Variants in TENM2 observed in about 807,000 individuals in gnomAD.
The protein encoded by TENM2 is teneurin-2.
In TENM2, 52 loss-of-function variants were observed where a neutral mutation model predicts 245.2. The ratio of observed to expected loss-of-function variants is 0.21; its 90% CI spans 0.17 to 0.27. The LOEUF (loss-of-function observed/expected upper bound fraction) is 0.27, where lower values mean the gene tolerates loss of function less well. Among genes scored for constraint, TENM2 ranks in the 10% least tolerant of loss-of-function variants. TENM2 has a pLI of 1.00. For synonymous variants in TENM2, 1,363 were observed against 1,438.9 expected (o/e 0.95, Z 1.19); for missense variants, 3,046 against 3,666.8 (o/e 0.83, Z 4.37).
intron 3 of TENM2, among the ~76,000 whole-genome samples, chr5:167,896,472 C>T (rs1348070538): frequency 6.6e-6 from 1 of 152,206 alleles, no homozygotes; most frequent in African/African-American, 2.4e-5. Flanking sequence ...AGACATGTGG[C>T]TTCCAACCAT....
chr5:168,193,505 A>G (rs939054455), intron 14 of TENM2, among the ~76,000 whole-genome samples: 7 of 152,222 alleles, frequency 4.6e-5, no homozygotes, highest in Admixed American at 1.3e-4. Flanking sequence ...CTGCAAATTG[A>G]CTGCCTGGAA....
intron 2 of TENM2, among the ~76,000 whole-genome samples, chr5:167,521,303 CATT>C (rs1770740133): frequency 6.6e-6 from 1 of 152,138 alleles, no homozygotes; most frequent in African/African-American, 2.4e-5. Flanking sequence ...CAAATATTCA[CATT>C]TTTTTCCTTA....
the TENM2 span, among the ~76,000 whole-genome samples, chr5:167,082,878 TA>T: frequency 1.3e-5 from 2 of 152,130 alleles, no homozygotes; most frequent in Admixed American, 6.5e-5. Context: ...AATAATGTTT[TA>T]AAAAATAATT....
the TENM2 span, among the ~76,000 whole-genome samples, chr5:167,266,618 T>A: frequency 5.9e-5 from 9 of 152,210 alleles, no homozygotes; most frequent in Non-Finnish European, 1.0e-4. Flanking sequence ...TTGTTTTTAA[T>A]GCTTTTATGT....
intron 8 of TENM2, among the ~76,000 whole-genome samples, chr5:168,096,304 C>T (rs1313951939): frequency 6.6e-6 from 1 of 152,140 alleles, no homozygotes; most frequent in Non-Finnish European, 1.5e-5. Flanking sequence ...GCACCTAACG[C>T]TTTTTGAATG....
intron 2 of TENM2, among the ~76,000 whole-genome samples, chr5:167,441,180 T>C (rs1764860879): frequency 6.6e-6 from 1 of 152,210 alleles, no homozygotes; most frequent in African/African-American, 2.4e-5. Context: ...TAGGTATTAA[T>C]CTAATGTCTA....
intron 2 of TENM2, among the ~76,000 whole-genome samples, chr5:167,435,699 A>G (rs1444268058): frequency 6.6e-6 from 1 of 152,162 alleles, no homozygotes; most frequent in African/African-American, 2.4e-5. Context: ...GTTCAGAAGA[A>G]GATAAAAAAA....
intron 6 of TENM2, among the ~76,000 whole-genome samples, chr5:168,048,200 A>G (rs1468013271): frequency 4.6e-5 from 7 of 151,218 alleles, no homozygotes; most frequent in African/African-American, 7.3e-5. Context: ...ACAAGGTGCT[A>G]AGAAGGAGGA....
chr5:167,447,809 G>A (rs1453670613), intron 2 of TENM2, among the ~76,000 whole-genome samples: 1 of 152,180 alleles, frequency 6.6e-6, no homozygotes, highest in African/African-American at 2.4e-5. Context: ...TTAATGAATG[G>A]TGACAATGCA....
At chr5:168,166,861 T>TC (rs1324002402) in intron 13 of TENM2, among the ~76,000 whole-genome samples, 2 of 152,070 alleles carry the variant, frequency 1.3e-5, no homozygotes, top group African/African-American at 4.8e-5. Flanking sequence ...CCTTAGAATA[T>TC]CCCCACCAAA....
At chr5:167,196,775 TATG>T in the TENM2 span, among the ~76,000 whole-genome samples, 2 of 151,860 alleles carry the variant, frequency 1.3e-5, no homozygotes, top group Non-Finnish European at 2.9e-5. Flanking sequence ...TTGTATAAGG[TATG>T]ATAAGTCACT....
At chr5:167,010,239 C>T in the TENM2 span, among the ~76,000 whole-genome samples, 6 of 152,030 alleles carry the variant, frequency 3.9e-5, no homozygotes, top group Non-Finnish European at 5.9e-5. Flanking sequence ...AAAAATTAGC[C>T]GGGCATGGTG....
At chr5:167,683,353 A>G (rs1235781472) in intron 2 of TENM2, among the ~76,000 whole-genome samples, 1 of 152,178 alleles carries the variant, frequency 6.6e-6, no homozygotes, top group Admixed American at 6.6e-5. Flanking sequence ...CTGAAAAGAA[A>G]GATGGCTCCT....
At chr5:167,498,793 G>T (rs747078357) in intron 2 of TENM2, among the ~76,000 whole-genome samples, 1 of 152,054 alleles carries the variant, frequency 6.6e-6, no homozygotes, top group Non-Finnish European at 1.5e-5. Context: ...ATTTTCAAAT[G>T]TCTCACCACT....
At chr5:167,354,984 C>T (rs1199161369) in intron 1 of TENM2, among the ~76,000 whole-genome samples, 4 of 152,294 alleles carry the variant, frequency 2.6e-5, no homozygotes, top group Admixed American at 2.6e-4. Flanking sequence ...CCCTACGCTA[C>T]CCCTGCCAAT....
chr5:167,141,900 AG>A, the TENM2 span, among the ~76,000 whole-genome samples: 1 of 152,194 alleles, frequency 6.6e-6, no homozygotes, highest in South Asian at 2.1e-4. Flanking sequence ...ACAGTGTCAA[AG>A]CTTAATTGTG....
At chr5:167,369,579 T>C (rs555845601) in intron 1 of TENM2, among the ~76,000 whole-genome samples, 27 of 152,300 alleles carry the variant, frequency 1.8e-4, no homozygotes, top group Middle Eastern at 3.4e-3. Context: ...TAGACGTTGA[T>C]ACGGTAGTTG....
intron 2 of TENM2, among the ~76,000 whole-genome samples, chr5:167,797,635 A>G (rs1233252829): frequency 6.6e-6 from 1 of 152,154 alleles, no homozygotes; most frequent in African/African-American, 2.4e-5. Flanking sequence ...TTCTGAGGAC[A>G]AAAAAATATG....
At chr5:168,260,072 G>C (rs926145374) in intron 27 of TENM2, among the ~76,000 whole-genome samples, 1 of 152,134 alleles carries the variant, frequency 6.6e-6, no homozygotes, top group Admixed American at 6.6e-5. Context: ...ACCACATGGT[G>C]GTTATCAACT....
Sources: gnomAD v4.1 joint callset for allele counts (sites outside exome capture counted in the v4.1 genomes callset) on GRCh38, gnomAD v4.1.1 for gene constraint, MANE v1.5 for transcripts, NCBI Gene and HGNC (gene_info 2026-07-23, HGNC 2026-07-21) for gene names.